KCNJ6: variants seen among roughly 807,000 people sequenced by gnomAD.
KCNJ6 encodes potassium inwardly rectifying channel subfamily J member 6, also known as G protein-activated inward rectifier potassium channel 2.
Under a neutral mutation model 34.2 loss-of-function variants are expected in KCNJ6, and 9 were observed. The ratio of observed to expected loss-of-function variants is 0.26; its 90% CI spans 0.16 to 0.46. The LOEUF is 0.46. Ranked by LOEUF, KCNJ6 falls within the 20% of genes least tolerant of loss-of-function variation. KCNJ6 has a pLI of 1.00. For synonymous variants in KCNJ6, 196 were observed against 207.1 expected (o/e 0.95, Z 0.46); for missense variants, 236 against 531.3 (o/e 0.44, Z 5.46).
chr21:37,783,831 T>C (rs1457641622), intron 2 of KCNJ6, among the ~76,000 whole-genome samples: 1 of 152,186 alleles, frequency 6.6e-6, no homozygotes, highest in Admixed American at 6.5e-5. Context: ...ATTAGTGTAC[T>C]TTAATAAGAG....
intron 2 of KCNJ6, among the ~76,000 whole-genome samples, chr21:37,758,996 A>G (rs2055046441): frequency 6.6e-6 from 1 of 152,160 alleles, no homozygotes; most frequent in African/African-American, 2.4e-5. Context: ...CCCTGCTCAC[A>G]TGGGTTGCAA....
In KCNJ6 at chr21:37,916,257, G is replaced by C. The variant is rs185799677; in HGVS notation, c.-401C>G. The C allele has an allele frequency of 1.6e-4, 25 of 152,274 alleles. No individual in the cohort carries two copies. The highest frequency in any genetic ancestry group is 4.6e-4 in the Admixed American group (7 of 15,294). 9.4% of individuals were successfully genotyped at this position (152,274 alleles called of 1,614,324 possible). The stretch of plus-strand genomic sequence containing the variant: ...GAGGGGCGCGCGTTTGGGCAGGGAC[G>C]GGGGAGGGAGACTGGGTGGAATGAA... On this transcript the variant is annotated 5_prime_UTR_variant, in exon 1 of 4. Coordinates refer to ENST00000609713, the MANE Select transcript of KCNJ6 (RefSeq NM_002240.5).
At position 37,890,367 on chromosome 21, in the gene KCNJ6, T is replaced by C. The variant is rs140646055; in HGVS notation, c.-28+25517A>G. Among the ~76,000 whole-genome samples, 150 of 152,286 alleles carry C rather than the reference T, an allele frequency of 9.8e-4. 1 individual carries two copies. Among genetic ancestry groups the C allele is most frequent in the African/African-American group, 3.4e-3 (143 of 41,556 alleles). On this transcript the variant is annotated intron_variant, in intron 1 of 3. Coordinates refer to ENST00000609713, the MANE Select transcript of KCNJ6 (RefSeq NM_002240.5). ...CCCACCAGGTCCCTCCCATGACTAG[T>C]GGGGATTACGGGGACTACAATTCGA...
Position 37,619,388 on chromosome 21 carries a change from T to C in KCNJ6, c.*5771A>G, listed in dbSNP as rs1046852006. 3.9e-5 allele frequency: 6 copies of C among 152,232 alleles called. No individual in the cohort carries two copies. The highest frequency in any genetic ancestry group is 5.9e-5 in the Non-Finnish European group (4 of 68,040). 9.4% of individuals were successfully genotyped at this position (152,232 alleles called of 1,614,324 possible). A position where few individuals can be genotyped will look rare whatever the true frequency, so the allele number is the denominator to read the frequency against. On this transcript the variant is annotated 3_prime_UTR_variant, in exon 4 of 4. Coordinates refer to ENST00000609713, the MANE Select transcript of KCNJ6 (RefSeq NM_002240.5). ...ACCAATCTTTGTCTTTGCTTCAGAC[T>C]CAGAAAGCGCAAGAAATCCAACAAC... is the stretch of plus-strand genomic sequence containing the variant.
At chr21:37,647,416 T>TTATTTTCTGTATTCTG (rs1388288716) in intron 3 of KCNJ6, among the ~76,000 whole-genome samples, 2 of 152,174 alleles carry the variant, frequency 1.3e-5, no homozygotes, top group Non-Finnish European at 2.9e-5. Flanking sequence ...ACCATGTCTT[T>TTATTTTCTGTATTCTG]TATTTTCTGT....
intron 2 of KCNJ6, among the ~76,000 whole-genome samples, chr21:37,760,739 G>A (rs2055056975): frequency 6.6e-6 from 1 of 152,154 alleles, no homozygotes; most frequent in Non-Finnish European, 1.5e-5. Flanking sequence ...TCTCAGATGT[G>A]GTGTGGTCTC....
Position 37,625,135 on chromosome 21 carries a change from A to G in KCNJ6, c.*24T>C, listed in dbSNP as rs748041132. The G allele has an allele frequency of 9.8e-6, 15 of 1,525,278 alleles. No homozygotes were observed. The highest frequency in any genetic ancestry group is 1.4e-5 in the African/African-American group (1 of 73,016). 94.5% of individuals were successfully genotyped at this position (1,525,278 alleles called of 1,614,324 possible). A position where few individuals can be genotyped will look rare whatever the true frequency, so the allele number is the denominator to read the frequency against. On this transcript the variant is annotated 3_prime_UTR_variant, in exon 4 of 4. Coordinates refer to ENST00000609713, the MANE Select transcript of KCNJ6 (RefSeq NM_002240.5). Reference sequence around the variant, plus strand: ...GGAAAGATTGTGTTGGGGGGAGAAGAGAAGGGTTTGCCCAGCTAGGGCACT... The same window carrying G: ...GGAAAGATTGTGTTGGGGGGAGAAGGGAAGGGTTTGCCCAGCTAGGGCACT...
At chr21:37,697,533 AATT>A (rs2054669074) in intron 3 of KCNJ6, among the ~76,000 whole-genome samples, 1 of 152,188 alleles carries the variant, frequency 6.6e-6, no homozygotes, top group Non-Finnish European at 1.5e-5. Flanking sequence ...CGTTTGTTGC[AATT>A]ATTCTGATCC....
chr21:37,893,803 T>C (rs1462585393), intron 1 of KCNJ6, among the ~76,000 whole-genome samples: 1 of 152,226 alleles, frequency 6.6e-6, no homozygotes, highest in African/African-American at 2.4e-5. Flanking sequence ...AAAGGTAGAA[T>C]TGACTTCTAA....
At chr21:37,706,765 CA>C (rs2054721899) in intron 3 of KCNJ6, among the ~76,000 whole-genome samples, 1 of 152,068 alleles carries the variant, frequency 6.6e-6, no homozygotes, top group Non-Finnish European at 1.5e-5. Context: ...TACTTTAAAG[CA>C]GATGTATCTA....
chr21:37,737,104 C>T (rs956172849), intron 2 of KCNJ6, among the ~76,000 whole-genome samples: 1 of 152,108 alleles, frequency 6.6e-6, no homozygotes, highest in East Asian at 1.9e-4. Flanking sequence ...GGGGGATCTG[C>T]AGAGCTTCTT....
chr21:37,815,889 C>A (rs1234424243), intron 2 of KCNJ6, among the ~76,000 whole-genome samples: 1 of 152,178 alleles, frequency 6.6e-6, no homozygotes, highest in East Asian at 1.9e-4. Flanking sequence ...TACGTCCCTG[C>A]GCATGACACG....
In KCNJ6 at chr21:37,616,590, C is replaced by CATATATATATATATATATATATATATAT; in HGVS notation, c.*8568_*8569insATATATATATATATATATATATATATAT. On this transcript the variant is annotated 3_prime_UTR_variant, in exon 4 of 4. Coordinates refer to ENST00000609713, the MANE Select transcript of KCNJ6 (RefSeq NM_002240.5). ...AATTATGAAGCAGGAACAAAATGTA[C>CATATATATATATATATATATATATATAT]ATATATATATATATATATATATATA... 6.0e-4 allele frequency: 55 copies of CATATATATATATATATATATATATATAT among 90,942 alleles called. 1 individual carries two copies. Among genetic ancestry groups the CATATATATATATATATATATATATATAT allele is most frequent in the Middle Eastern group, 5.9e-3 (1 of 170 alleles). The allele number at this position is 90,942 out of a possible 1,614,324, so 5.6% of individuals were successfully genotyped here.
intron 2 of KCNJ6, among the ~76,000 whole-genome samples, chr21:37,734,599 G>A (rs1359682921): frequency 1.3e-5 from 2 of 152,104 alleles, no homozygotes; most frequent in Non-Finnish European, 2.9e-5. Context: ...GCTATTTAAC[G>A]ATCAGCTGTC....
At chr21:37,728,423 C>T (rs1266643792) in intron 2 of KCNJ6, among the ~76,000 whole-genome samples, 6 of 152,092 alleles carry the variant, frequency 3.9e-5, no homozygotes, top group Non-Finnish European at 8.8e-5. Context: ...CTTTAAGAAT[C>T]GTTAAAATGA....
chr21:37,715,303 C>T (rs1601433964), intron 2 of KCNJ6, among the ~76,000 whole-genome samples, 172 bp from the exon 3 acceptor site: 1 of 152,194 alleles, frequency 6.6e-6, no homozygotes, highest in Admixed American at 6.5e-5. Flanking sequence ...CTCTAGTTGA[C>T]TTGGACTTCT....
chr21:37,654,012 C>T (rs568253503), intron 3 of KCNJ6, among the ~76,000 whole-genome samples: 1 of 151,954 alleles, frequency 6.6e-6, no homozygotes, highest in African/African-American at 2.4e-5. Context: ...TGGAACCAGC[C>T]TGGAGAGACT....
intron 3 of KCNJ6, among the ~76,000 whole-genome samples, chr21:37,713,183 G>C (rs1265854633): frequency 6.6e-6 from 1 of 152,076 alleles, no homozygotes; most frequent in African/African-American, 2.4e-5. Flanking sequence ...TAAGTTACTT[G>C]TCACAGGTTG....
chr21:37,914,008 G>GGTGTGTGGGTGTGTGTGTGTGTGTGT (rs1555855559), intron 1 of KCNJ6, among the ~76,000 whole-genome samples: 1 of 135,480 alleles, frequency 7.4e-6, no homozygotes, highest in Non-Finnish European at 1.6e-5. Context: ...GGCGGATCGG[G>GGTGTGTGGGTGTGTGTGTGTGTGTGT]GTGTGTGTGT....
Sources: allele counts gnomAD v4.1 joint callset (sites outside exome capture counted in the v4.1 genomes callset), GRCh38; gene constraint gnomAD v4.1.1; transcripts MANE v1.5; gene names NCBI Gene and HGNC (gene_info 2026-07-23, HGNC 2026-07-21).